The following DNHD1 variants were observed in gnomAD, a reference collection of about 807,000 sequenced individuals.
DNHD1 encodes the protein dynein heavy chain domain-containing protein 1.
A neutral mutation model predicts 458.1 loss-of-function variants in DNHD1; 383 were observed. The ratio of observed to expected loss-of-function variants is 0.84; its 90% CI spans 0.77 to 0.91. The LOEUF (loss-of-function observed/expected upper bound fraction) is 0.91. Ranked by LOEUF, DNHD1 falls within the 40% of genes least tolerant of loss-of-function variation. DNHD1 has a pLI of 0.00. For synonymous variants in DNHD1, 2,203 were observed against 2,376.9 expected (o/e 0.93, Z 2.13); for missense variants, 5,336 against 5,866.1 (o/e 0.91, Z 2.95).
Position 6,544,220 on chromosome 11 carries a change from A to G in DNHD1, c.3728A>G (p.Glu1243Gly). The change falls in exon 19 of 43, where the codon GAG (glutamate) becomes GGG (glycine). Residue 1243 changes from glutamate (E) to glycine (G), a missense_variant. This residue lies in a region of DNHD1 where 3,932 missense variants were observed against 4,365.6 expected (regional missense o/e 0.90). Coordinates refer to ENST00000254579, the MANE Select transcript of DNHD1 (RefSeq NM_144666.3). ...KSGDLNKIAL[E>G]WVAIMHGLGA... ...GGAGATTTAAACAAAATAGCTTTGGAGTGGGTGGCCATCATGCATGGCCTG... is the reference window on the plus strand; with the variant it reads ...GGAGATTTAAACAAAATAGCTTTGGGGTGGGTGGCCATCATGCATGGCCTG... 1.9e-6 allele frequency: 3 copies of G among 1,551,524 alleles called. No homozygotes were observed. Among genetic ancestry groups the G allele is most frequent in the Non-Finnish European group, 1.7e-6 (2 of 1,146,958 alleles).
intron 18 of DNHD1, among the ~76,000 whole-genome samples, chr11:6,541,979 A>G (rs1030726596): frequency 6.6e-6 from 1 of 152,198 alleles, no homozygotes; most frequent in African/African-American, 2.4e-5. Flanking sequence ...CCATTCTAAT[A>G]TAGATGTTCC....
At chr11:6,504,639 G>A (rs2134368299) in intron 4 of DNHD1, among the ~76,000 whole-genome samples, 1 of 152,240 alleles carries the variant, frequency 6.6e-6, no homozygotes, top group Non-Finnish European at 1.5e-5. Flanking sequence ...AGTAGAGACA[G>A]GGTTTCATCA....
intron 10 of DNHD1, among the ~76,000 whole-genome samples, chr11:6,527,704 A>G (rs1852737730): frequency 6.6e-6 from 1 of 152,218 alleles, no homozygotes; most frequent in Non-Finnish European, 1.5e-5. Flanking sequence ...GAGATTTCCT[A>G]GAGAGTGAGT....
chr11:6,533,110 G>C lies in DNHD1; in HGVS notation c.2431G>C (p.Glu811Gln), dbSNP rs1852862350. Residue 811 changes from glutamate to glutamine, a missense_variant, in exon 13 of 43, where the codon GAG becomes CAG. Glu to Gln is a conservative substitution (Grantham distance 29). Around this residue, in one of 4 missense-constraint regions of DNHD1, gnomAD observed 3,932 missense variants for 4,365.6 expected, o/e 0.90. Coordinates refer to ENST00000254579, the MANE Select transcript of DNHD1 (RefSeq NM_144666.3). ...GAACCTCAGTCAACAACTCATGACA[G>C]AGCTCACAGATTTCATGCATATCTT... ...CWNLSQQLMT[E>Q]LTDFMHIFRT... The C allele has an allele frequency of 1.3e-6, 2 of 1,551,552 alleles. No homozygotes were observed. The highest frequency in any genetic ancestry group is 1.7e-6 in the Non-Finnish European group (2 of 1,146,980).
intron 18 of DNHD1, among the ~76,000 whole-genome samples, chr11:6,543,062 C>T (rs944455487): frequency 6.6e-6 from 1 of 152,164 alleles, no homozygotes; most frequent in Non-Finnish European, 1.5e-5. Context: ...CTCTTTGCCT[C>T]CTCACATGGG....
chr11:6,500,326 G>A (rs1050689767), intron 3 of DNHD1, among the ~76,000 whole-genome samples: 1 of 152,190 alleles, frequency 6.6e-6, no homozygotes. Flanking sequence ...TCTAGACAAT[G>A]CTTTGCAGCT....
intron 28 of DNHD1, among the ~76,000 whole-genome samples, chr11:6,561,442 A>C (rs1853586048): frequency 6.6e-6 from 1 of 152,220 alleles, no homozygotes; most frequent in Non-Finnish European, 1.5e-5. Flanking sequence ...AAAGAAAAAA[A>C]AGAAAAAAAT....
At position 6,566,775 on chromosome 11, in the gene DNHD1, G is replaced by A. The variant is rs1284213702; in HGVS notation, c.11385+10G>A. The A allele has an allele frequency of 6.2e-7, 1 of 1,607,388 alleles. No homozygotes were observed. The highest frequency in any genetic ancestry group is 8.5e-7 in the Non-Finnish European group (1 of 1,176,790). On this transcript the variant is annotated intron_variant, in intron 35 of 42. Coordinates refer to ENST00000254579, the MANE Select transcript of DNHD1 (RefSeq NM_144666.3). ...TGTGGAGGCTGCTGAGGTGCTTGGG[G>A]GCTCAGTCTGTGGGTTGAGATGAGC...
Position 6,509,239 on chromosome 11 carries a change from C to T in DNHD1, c.1202C>T (p.Pro401Leu). 6.2e-7 allele frequency: 1 copy of T among 1,614,064 alleles called. No individual in the cohort carries two copies. Among genetic ancestry groups the T allele is most frequent in the Non-Finnish European group, 8.5e-7 (1 of 1,180,024 alleles). Reference protein sequence around the residue: ...FLENHLLLAVPHFGAGLLHIS... With the variant: ...FLENHLLLAVLHFGAGLLHIS... ...GAGAATCATCTGCTCTTGGCTGTGC[C>T]CCACTTTGGAGCTGGGCTACTCCAT... Residue 401 changes from proline to leucine, a missense_variant, in exon 6 of 43, where the codon CCC becomes CTC. Around this residue, in one of 4 missense-constraint regions of DNHD1, gnomAD observed 3,932 missense variants for 4,365.6 expected, o/e 0.90. Transcript: ENST00000254579.
At chr11:6,506,660 C>T (rs1053693966) in intron 4 of DNHD1, among the ~76,000 whole-genome samples, 3 of 152,108 alleles carry the variant, frequency 2.0e-5, no homozygotes, top group Non-Finnish European at 2.9e-5. Context: ...CTCCTTTATT[C>T]TTTGAGTCTT....
chr11:6,523,257 A>T (rs577056369), intron 10 of DNHD1, among the ~76,000 whole-genome samples: 4 of 152,280 alleles, frequency 2.6e-5, no homozygotes, highest in African/African-American at 4.8e-5. Flanking sequence ...ACAATGCAAA[A>T]ATATGAAAAC....
chr11:6,557,240 C>T lies in DNHD1; in HGVS notation c.7945C>T (p.His2649Tyr). The change falls in exon 25 of 43, where the codon CAT becomes TAT. Residue 2649 changes from histidine (H) to tyrosine (Y), a missense_variant. His to Tyr is a moderately conservative substitution (Grantham distance 83). Transcript: ENST00000254579. ...ACGCAATGTGGTGCGTCTTTGGTTG[C>T]ATGAGGCACAGAGAACCTTTTGCGA... ...ATRNVVRLWL[H>Y]EAQRTFCDRL... 2 of 1,551,618 alleles carry T rather than the reference C, an allele frequency of 1.3e-6. No homozygotes were observed. Among genetic ancestry groups the T allele is most frequent in the East Asian group, 4.9e-5 (2 of 40,914 alleles).
intron 29 of DNHD1, 77 bp downstream of exon 29, chr11:6,563,208 G>A (rs1424393275): frequency 4.5e-6 from 7 of 1,546,384 alleles, no homozygotes; most frequent in Non-Finnish European, 6.1e-6. Context: ...ACCAAGAGGA[G>A]AGGATGGAGT....
At chr11:6,534,279 C>T (rs1852893464) in intron 14 of DNHD1, 106 bp downstream of exon 14, 1 of 1,199,614 alleles carries the variant, frequency 8.3e-7, no homozygotes, top group Non-Finnish European at 1.1e-6. Flanking sequence ...CCAAGCAAGC[C>T]TTGGGAATCA....
intron 33 of DNHD1, 92 bp downstream of exon 33, chr11:6,566,083 T>G: frequency 6.7e-7 from 1 of 1,492,524 alleles, no homozygotes; most frequent in African/African-American, 1.4e-5. Flanking sequence ...TAACTTCAGT[T>G]CCCATCCTTC....
At position 6,568,587 on chromosome 11, in the gene DNHD1, TA is replaced by T. The variant is rs768051714; in HGVS notation, c.12661+13del. On this transcript the variant is annotated intron_variant, in intron 38 of 42. Coordinates refer to ENST00000254579, the MANE Select transcript of DNHD1 (RefSeq NM_144666.3). ...GTGCTTCTTTGCCAGGTGAGGAGCT[TA>T]ACCCCCTACAGGCTCTCAAATTGGA... 6 of 1,613,958 alleles carry T rather than the reference TA, an allele frequency of 3.7e-6. No homozygotes were observed. Among genetic ancestry groups the T allele is most frequent in the Non-Finnish European group, 5.1e-6 (6 of 1,179,906 alleles).
intron 24 of DNHD1, among the ~76,000 whole-genome samples, chr11:6,550,578 C>T (rs1432063663): frequency 6.6e-6 from 1 of 152,088 alleles, no homozygotes; most frequent in Admixed American, 6.5e-5. Flanking sequence ...AAGAAGCAAG[C>T]AATAGAATAG....
At chr11:6,499,106 C>A in intron 3 of DNHD1, 145 bp downstream of exon 3, 1 of 886,938 alleles carries the variant, frequency 1.1e-6, no homozygotes, top group Non-Finnish European at 1.6e-6. Flanking sequence ...TAGTGTGAGG[C>A]TACTTTCCTC....
In DNHD1 at chr11:6,509,225, G is replaced by C; in HGVS notation, c.1188G>C (p.Leu396=). ...TCCAGAAATTCCTAGAGAATCATCTGCTCTTGGCTGTGCCCCACTTTGGAG... is the reference window on the plus strand; with the variant it reads ...TCCAGAAATTCCTAGAGAATCATCTCCTCTTGGCTGTGCCCCACTTTGGAG... ...HRLQKFLENH[L]LLAVPHFGAG... The change falls in exon 6 of 43, where the codon CTG becomes CTC. Residue 396 remains leucine (L), a synonymous_variant. Coordinates refer to ENST00000254579, the MANE Select transcript of DNHD1 (RefSeq NM_144666.3). 6.2e-7 allele frequency: 1 copy of C among 1,614,212 alleles called. No homozygotes were observed.
Sources: allele counts gnomAD v4.1 joint callset (sites outside exome capture counted in the v4.1 genomes callset), GRCh38; gene constraint gnomAD v4.1.1; regional missense constraint gnomAD v4.1.1; transcripts MANE v1.5; gene names NCBI Gene and HGNC (gene_info 2026-07-23, HGNC 2026-07-21).